The following FILIP1 variants were observed in gnomAD, a reference collection of about 807,000 sequenced individuals.
FILIP1 encodes filamin A interacting protein 1, also known as filamin-A-interacting protein 1.
Under a neutral mutation model 102.1 loss-of-function variants are expected in FILIP1, and 61 were observed. That is an observed-to-expected ratio of 0.60 (90% CI 0.49 to 0.74). FILIP1 has a LOEUF of 0.74. Among genes scored for constraint, FILIP1 ranks in the 30% least tolerant of loss-of-function variants. The pLI, the probability that FILIP1 is intolerant of heterozygous loss-of-function variation, is 0.00. For missense variants in FILIP1, 1,314 were observed against 1,441.2 expected, an observed-to-expected ratio of 0.91 and a Z score of 1.43; for synonymous variants, 491 against 526.9, an observed-to-expected ratio of 0.93 and a Z score of 0.93.
At chr6:75,353,817 G>A in intron 3 of FILIP1, 100 bp from the exon 4 acceptor site, 2 of 1,176,416 alleles carry the variant, frequency 1.7e-6, no homozygotes, top group South Asian at 3.0e-5. Flanking sequence ...TTACCTGAAA[G>A]CGAGAACAGT....
Position 75,465,392 on chromosome 6 carries a change from T to C in FILIP1, c.-7+28022A>G, listed in dbSNP as rs192180310. Reference sequence around the variant, plus strand: ...GTAAGATTTGTAACATAAATTAATCTGAATGGAGTTACTAGCTCCAATGAA... The same window carrying C: ...GTAAGATTTGTAACATAAATTAATCCGAATGGAGTTACTAGCTCCAATGAA... On this transcript the variant is annotated intron_variant, in intron 1 of 5. Coordinates refer to ENST00000237172, the MANE Select transcript of FILIP1 (RefSeq NM_015687.5). The C allele has an allele frequency of 1.3e-5, 7 of 527,008 alleles. No homozygotes were observed. In the Admixed American group the frequency reaches 2.2e-4, roughly 17 times the overall value. 32.6% of individuals were successfully genotyped at this position (527,008 alleles called of 1,614,324 possible).
chr6:75,414,013 C>T (rs2149686732), intron 2 of FILIP1, among the ~76,000 whole-genome samples: 1 of 150,452 alleles, frequency 6.6e-6, no homozygotes, highest in Non-Finnish European at 1.5e-5. Flanking sequence ...CCGGACAAAC[C>T]TTCAATCCTT....
chr6:75,450,485 T>TA (rs1478800079), intron 1 of FILIP1, among the ~76,000 whole-genome samples: 15 of 151,720 alleles, frequency 9.9e-5, no homozygotes, highest in Non-Finnish European at 1.5e-4. Context: ...TATCTCTATT[T>TA]AAAAAATTAA....
At chr6:75,458,359 C>T (rs527501052) in intron 1 of FILIP1, 4 of 152,072 alleles carry the variant, frequency 2.6e-5, no homozygotes, top group Non-Finnish European at 5.9e-5. Flanking sequence ...TCTAGAATGA[C>T]CTTTGAGAAC....
At chr6:75,357,027 A>G (rs530775678) in intron 3 of FILIP1, among the ~76,000 whole-genome samples, 1 of 152,286 alleles carries the variant, frequency 6.6e-6, no homozygotes, top group African/African-American at 2.4e-5. Context: ...AACTATTTGA[A>G]GATCAGTATT....
At chr6:75,316,445 A>G (rs989362930) in intron 4 of FILIP1, among the ~76,000 whole-genome samples, 4 of 152,140 alleles carry the variant, frequency 2.6e-5, no homozygotes, top group African/African-American at 7.2e-5. Context: ...TTAGCCAAGT[A>G]AATAGAATTT....
intron 1 of FILIP1, among the ~76,000 whole-genome samples, chr6:75,487,359 T>C (rs1334494457): frequency 6.6e-6 from 1 of 152,152 alleles, no homozygotes; most frequent in Non-Finnish European, 1.5e-5. Context: ...CAGGGCATCA[T>C]TTCCTCATGT....
intron 1 of FILIP1, among the ~76,000 whole-genome samples, chr6:75,482,934 G>A (rs560975502): frequency 7.0e-4 from 107 of 152,056 alleles, no homozygotes; most frequent in Non-Finnish European, 1.2e-3. Context: ...AAGTCATAAC[G>A]GAATTTATTT....
intron 4 of FILIP1, among the ~76,000 whole-genome samples, chr6:75,331,865 C>T (rs772009786): frequency 3.9e-5 from 6 of 152,092 alleles, no homozygotes; most frequent in Admixed American, 6.6e-5. Context: ...ACCCCCCATG[C>T]GCTGGTATTA....
intron 1 of FILIP1, among the ~76,000 whole-genome samples, chr6:75,474,983 T>C (rs1354502685): frequency 6.6e-6 from 1 of 151,710 alleles, no homozygotes; most frequent in Non-Finnish European, 1.5e-5. Flanking sequence ...CCTTCCGCCA[T>C]GATTATAAAT....
At chr6:75,405,492 A>C (rs575597267) in intron 2 of FILIP1, among the ~76,000 whole-genome samples, 1 of 152,374 alleles carries the variant, frequency 6.6e-6, no homozygotes, top group Admixed American at 6.5e-5. Context: ...TTATTTACTT[A>C]ACTTCCCTTC....
intron 3 of FILIP1, among the ~76,000 whole-genome samples, chr6:75,359,231 C>T (rs1775101703): frequency 6.6e-6 from 1 of 151,576 alleles, no homozygotes; most frequent in African/African-American, 2.4e-5. Flanking sequence ...GTCTCGAACT[C>T]CTGACCTCAA....
intron 1 of FILIP1, among the ~76,000 whole-genome samples, chr6:75,435,642 A>G (rs1404174357): frequency 6.6e-6 from 1 of 152,216 alleles, no homozygotes; most frequent in Non-Finnish European, 1.5e-5. Flanking sequence ...AGAATTCCCC[A>G]AGGGTGGGAG....
At chr6:75,391,114 T>C (rs1483569717) in intron 2 of FILIP1, among the ~76,000 whole-genome samples, 1 of 152,160 alleles carries the variant, frequency 6.6e-6, no homozygotes, top group Non-Finnish European at 1.5e-5. Context: ...AGTGCTTTGA[T>C]GGCAGCACAT....
chr6:75,326,068 T>TGATAGATAGATAGATA (rs776226164), intron 4 of FILIP1, among the ~76,000 whole-genome samples: 1 of 149,080 alleles, frequency 6.7e-6, no homozygotes, highest in Non-Finnish European at 1.5e-5. Flanking sequence ...AGATGATAGA[T>TGATAGATAGATAGATA]GATAGATAGA....
At chr6:75,300,952 G>A (rs568232961) in intron 6 of FILIP1, among the ~76,000 whole-genome samples, 11 of 152,212 alleles carry the variant, frequency 7.2e-5, no homozygotes, top group African/African-American at 2.6e-4. Context: ...ATAGATTGCT[G>A]TTTTACAGAT....
intron 2 of FILIP1, among the ~76,000 whole-genome samples, chr6:75,371,951 T>C (rs1775534693): frequency 6.6e-6 from 1 of 152,176 alleles, no homozygotes; most frequent in Non-Finnish European, 1.5e-5. Context: ...AAGAAAAACA[T>C]ATAAATTGGA....
intron 1 of FILIP1, among the ~76,000 whole-genome samples, chr6:75,474,942 C>G (rs1404232326): frequency 6.6e-6 from 1 of 152,024 alleles, no homozygotes; most frequent in Non-Finnish European, 1.5e-5. Context: ...TGCTCCTGCT[C>G]TGGCCATGTG....
chr6:75,415,356 A>G lies in FILIP1; in HGVS notation c.-6-378T>C, dbSNP rs189117682. Among the ~76,000 whole-genome samples, 4 of 152,178 alleles carry G rather than the reference A, an allele frequency of 2.6e-5. No homozygotes were observed. The East Asian group carries it at 7.7e-4, about 29-fold the overall frequency. On this transcript the variant is annotated intron_variant, in intron 1 of 5. Coordinates refer to ENST00000237172, the MANE Select transcript of FILIP1 (RefSeq NM_015687.5). The stretch of plus-strand genomic sequence containing the variant: ...AGGGCATATGCGTATTAGCTTTGTA[A>G]TAATGTTAGGAATCTAAAACTGTTC...
Sources: allele counts gnomAD v4.1 joint callset (sites outside exome capture counted in the v4.1 genomes callset), GRCh38; gene constraint gnomAD v4.1.1; transcripts MANE v1.5; gene names NCBI Gene and HGNC (gene_info 2026-07-23, HGNC 2026-07-21).